CTU1: variants seen among roughly 807,000 people sequenced by gnomAD.
The protein encoded by CTU1 is cytoplasmic tRNA 2-thiolation protein 1.
CTU1 carries 15 observed loss-of-function variants against 12.9 expected under a neutral mutation model. The ratio of observed to expected loss-of-function variants is 1.16; its 90% confidence interval spans 0.78 to 1.79. CTU1 has a LOEUF of 1.79. Among genes scored for constraint, CTU1 ranks in the 40% most tolerant of loss-of-function variants. The pLI is 0.00. For missense variants in CTU1, 553 were observed against 550.5 expected, an observed-to-expected ratio of 1.00 and a Z score of -0.05; for synonymous variants, 295 against 275.6, an observed-to-expected ratio of 1.07 and a Z score of -0.70.
intron 2 of CTU1, among the ~76,000 whole-genome samples, chr19:51,101,728 G>A (rs76865746): frequency 0.067 from 10,201 of 152,170 alleles, 1,122 homozygotes; most frequent in African/African-American, 0.23. Flanking sequence ...ACGACATCTC[G>A]TTGAATGTTT....
Position 51,104,372 on chromosome 19 carries a change from C to G in CTU1, c.198G>C (p.Val66=), listed in dbSNP as rs1403878404. The change falls in exon 2 of 3, where the codon GTG becomes GTC. Residue 66 remains valine (V), a synonymous_variant. Transcript: ENST00000421832. ...CCAGCGCGCGCAGCACGTGCGCCAG[C>G]ACCGTGGAGTCCTTGCCGCCCGAGG... ...VGASGGKDST[V]LAHVLRALAP... is the part of the protein sequence containing the mutation. 1.5e-5 allele frequency: 20 copies of G among 1,378,980 alleles called. No homozygotes were observed. The highest frequency in any genetic ancestry group is 1.9e-5 in the Non-Finnish European group (20 of 1,071,446). 85.4% of individuals were successfully genotyped at this position (1,378,980 alleles called of 1,614,324 possible). A position where few individuals can be genotyped will look rare whatever the true frequency, so the allele number is the denominator to read the frequency against.
At chr19:51,107,200 T>C (rs2091922696) in intron 1 of CTU1, among the ~76,000 whole-genome samples, 1 of 152,152 alleles carries the variant, frequency 6.6e-6, no homozygotes, top group South Asian at 2.1e-4. Flanking sequence ...CAGGAGGAGA[T>C]GGGAGCCTTG....
intron 2 of CTU1, 91 bp downstream of exon 2, chr19:51,103,971 G>GCTTTCAGGT (rs1424388480): frequency 7.9e-7 from 1 of 1,261,210 alleles, no homozygotes; most frequent in Non-Finnish European, 1.0e-6. Context: ...TGGAGCATGC[G>GCTTTCAGGT]CCTGAATCCC....
rs763909509 is a variant in CTU1 at position 51,098,927 on chromosome 19, G to C, written c.721C>G (p.Pro241Ala). The C allele has an allele frequency of 2.6e-6, 4 of 1,532,458 alleles. No individual in the cohort carries two copies. The highest frequency in any genetic ancestry group is 3.5e-6 in the Non-Finnish European group (4 of 1,144,572). 94.9% of individuals were successfully genotyped at this position (1,532,458 alleles called of 1,614,324 possible). A position where few individuals can be genotyped will look rare whatever the true frequency, so the allele number is the denominator to read the frequency against. ...CGGGCGTGGCCGCGGAAGGCCTCGGGCGCGTAGACGCACTCCTCGGAGAAG... is the reference window on the plus strand; with the variant it reads ...CGGGCGTGGCCGCGGAAGGCCTCGGCCGCGTAGACGCACTCCTCGGAGAAG... ...DYFSEECVYA[P>A]EAFRGHARDL... Residue 241 changes from proline (P) to alanine (A), a missense_variant, in exon 3 of 3, where the codon CCC becomes GCC. Pro to Ala is a conservative substitution (Grantham distance 27). This residue lies in a region of CTU1 where 500 missense variants were observed against 458.5 expected (regional missense o/e 1.09). Coordinates refer to ENST00000421832, the MANE Select transcript of CTU1 (RefSeq NM_145232.4). The surrounding 1 kb of genome is among the most constrained non-coding windows in gnomAD (Gnocchi z 4.3).
chr19:51,104,007 T>C, intron 2 of CTU1, 55 bp downstream of exon 2: 2 of 1,389,460 alleles, frequency 1.4e-6, no homozygotes, highest in Non-Finnish European at 1.9e-6. Flanking sequence ...TCCTCGCCTG[T>C]GCATTCGCCC....
Position 51,104,247 on chromosome 19 carries a change from C to T in CTU1, c.323G>A (p.Arg108His), listed in dbSNP as rs2091914192. Reference protein sequence around the residue: ...ALAAVRRQAARWELPLTVVAY... With the variant: ...ALAAVRRQAAHWELPLTVVAY... ...CACGACCGTGAGCGGCAGCTCCCAG[C>T]GCGCCGCCTGGCGCCGCACGGCCGC... Residue 108 changes from arginine (R) to histidine (H), a missense_variant, in exon 2 of 3, where the codon CGC becomes CAC. By Grantham distance (29) the Arg-to-His change is conservative. This residue lies in a region of CTU1 where 500 missense variants were observed against 458.5 expected (regional missense o/e 1.09). Transcript: ENST00000421832. The T allele has an allele frequency of 1.3e-6, 2 of 1,509,748 alleles. No individual in the cohort carries two copies. Among genetic ancestry groups the T allele is most frequent in the South Asian group, 1.2e-5 (1 of 81,860 alleles). 93.5% of individuals were successfully genotyped at this position (1,509,748 alleles called of 1,614,324 possible).
chr19:51,103,921 G>T, intron 2 of CTU1, 141 bp downstream of exon 2: 3 of 877,354 alleles, frequency 3.4e-6, no homozygotes, highest in South Asian at 2.4e-5. Flanking sequence ...TCCGTACAGG[G>T]ATCCTCCCAT....
chr19:51,105,520 C>T (rs1232802990), intron 1 of CTU1, among the ~76,000 whole-genome samples: 2 of 152,204 alleles, frequency 1.3e-5, no homozygotes, highest in Admixed American at 6.5e-5. Flanking sequence ...GCCACCATCA[C>T]CTCCAGCCTG....
chr19:51,099,033 G>A lies in CTU1; in HGVS notation c.615C>T (p.Gly205=), dbSNP rs769822801. 49 of 1,508,370 alleles carry A rather than the reference G, an allele frequency of 3.2e-5. No individual in the cohort carries two copies. In the Admixed American group the frequency reaches 9.0e-4, roughly 28 times the overall value. 93.4% of individuals were successfully genotyped at this position (1,508,370 alleles called of 1,614,324 possible). ...GCAGCGGGCGGCAGCGCGGCAGGGCGCCCCCCTCGCCGGGAGAGCCCAGGC... is the reference window on the plus strand; with the variant it reads ...GCAGCGGGCGGCAGCGCGGCAGGGCACCCCCCTCGCCGGGAGAGCCCAGGC... ...GGGLGSPGEG[G]ALPRCRPLQF... The change falls in exon 3 of 3, where the codon GGC becomes GGT. Residue 205 remains glycine, a synonymous_variant. Transcript: ENST00000421832.
Position 51,103,405 on chromosome 19 carries a change from G to A in CTU1, c.508+657C>T, listed in dbSNP as rs898157676. ...TCGAGATCATCCTGGCTAACATGGTGAAACCCCGTCTCTACTAAAAATACA... is the reference window on the plus strand; with the variant it reads ...TCGAGATCATCCTGGCTAACATGGTAAAACCCCGTCTCTACTAAAAATACA... On this transcript the variant is annotated intron_variant, in intron 2 of 2. Coordinates refer to ENST00000421832, the MANE Select transcript of CTU1 (RefSeq NM_145232.4). Among the ~76,000 whole-genome samples the A allele has an allele frequency of 3.2e-4, 49 of 152,118 alleles. 1 individual carries two copies.
At chr19:51,103,306 G>A (rs1401039266) in intron 2 of CTU1, among the ~76,000 whole-genome samples, 2 of 152,098 alleles carry the variant, frequency 1.3e-5, no homozygotes, top group African/African-American at 2.4e-5. Context: ...AGGAATGGAT[G>A]AAAAAGACAG....
At position 51,099,006 on chromosome 19, in the gene CTU1, C is replaced by A. The variant is rs2045501410; in HGVS notation, c.642G>T (p.Gln214His). 1.3e-6 allele frequency: 2 copies of A among 1,528,766 alleles called. No homozygotes were observed. Among genetic ancestry groups the A allele is most frequent in the African/African-American group, 1.4e-5 (1 of 70,758 alleles). The allele number at this position is 1,528,766 out of a possible 1,614,324, so 94.7% of individuals were successfully genotyped here. A position where few individuals can be genotyped will look rare whatever the true frequency, so the allele number is the denominator to read the frequency against. ...GGALPRCRPL[Q>H]FASQKEVVLY... is the part of the protein sequence containing the mutation. ...GCACCACCTCCTTCTGCGAGGCGAACTGCAGCGGGCGGCAGCGCGGCAGGG... is the reference window on the plus strand; with the variant it reads ...GCACCACCTCCTTCTGCGAGGCGAAATGCAGCGGGCGGCAGCGCGGCAGGG... The change falls in exon 3 of 3, where the codon CAG becomes CAT. Residue 214 changes from glutamine to histidine, a missense_variant. Around this residue, in one of 2 missense-constraint regions of CTU1, gnomAD observed 500 missense variants for 458.5 expected, o/e 1.09. Transcript: ENST00000421832.
At chr19:51,103,804 C>T (rs2091912610) in intron 2 of CTU1, among the ~76,000 whole-genome samples, 1 of 152,168 alleles carries the variant, frequency 6.6e-6, no homozygotes, top group Non-Finnish European at 1.5e-5. Context: ...AGACGGTGGC[C>T]AAGACCCAAA....
At position 51,099,143 on chromosome 19, in the gene CTU1, G is replaced by T. The variant is rs559621004; in HGVS notation, c.509-4C>A. 2.5e-6 allele frequency: 4 copies of T among 1,569,602 alleles called. No individual in the cohort carries two copies. Among genetic ancestry groups the T allele is most frequent in the South Asian group, 2.3e-5 (2 of 87,374 alleles). Reference sequence around the variant, plus strand: ...GCCATGTCGTCGGCGTTGTGACCTGGTGGGGAGAGAAGGGAGCGGGTGAGG... The same window carrying T: ...GCCATGTCGTCGGCGTTGTGACCTGTTGGGGAGAGAAGGGAGCGGGTGAGG... On this transcript the variant is annotated splice_polypyrimidine_tract_variant and splice_region_variant and intron_variant, in intron 2 of 2. Coordinates refer to ENST00000421832, the MANE Select transcript of CTU1 (RefSeq NM_145232.4).
intron 2 of CTU1, among the ~76,000 whole-genome samples, chr19:51,100,934 C>CGTGTGTGT (rs71185800): frequency 3.8e-4 from 55 of 145,536 alleles, no homozygotes; most frequent in African/African-American, 7.9e-4. Context: ...TTTTATTGTG[C>CGTGTGTGT]GTGTGTGTGT....
In CTU1 at chr19:51,104,097, C is replaced by A; in HGVS notation, c.473G>T (p.Gly158Val). 1 of 1,475,208 alleles carries A rather than the reference C, an allele frequency of 6.8e-7. No individual in the cohort carries two copies. The highest frequency in any genetic ancestry group is 8.9e-7 in the Non-Finnish European group (1 of 1,129,224). 91.4% of individuals were successfully genotyped at this position (1,475,208 alleles called of 1,614,324 possible). A position where few individuals can be genotyped will look rare whatever the true frequency, so the allele number is the denominator to read the frequency against. The change falls in exon 2 of 3, where the codon GGG becomes GTG. Residue 158 changes from glycine to valine, a missense_variant. Gly to Val is a moderately radical substitution (Grantham distance 109). Coordinates refer to ENST00000421832, the MANE Select transcript of CTU1 (RefSeq NM_145232.4). Reference protein sequence around the residue: ...GVLRRRALEEGARRVGATHIV... With the variant: ...GVLRRRALEEVARRVGATHIV... ...GTGCGTGGCTCCCACGCGGCGCGCC[C>A]CTTCCTCCAGCGCCCGGCGCCGCAG...
At chr19:51,102,044 C>G (rs1298363710) in intron 2 of CTU1, among the ~76,000 whole-genome samples, 1 of 152,168 alleles carries the variant, frequency 6.6e-6, no homozygotes, top group African/African-American at 2.4e-5. Context: ...TGCTCTGTCA[C>G]CCAGGCTGGA....
intron 1 of CTU1, among the ~76,000 whole-genome samples, chr19:51,105,079 G>C (rs1243324183): frequency 6.6e-6 from 1 of 152,196 alleles, no homozygotes; most frequent in Non-Finnish European, 1.5e-5. Flanking sequence ...GGAGGCCAGG[G>C]GACTGAAGCT....
chr19:51,100,111 G>C (rs2122790168), intron 2 of CTU1, among the ~76,000 whole-genome samples: 1 of 152,260 alleles, frequency 6.6e-6, no homozygotes, highest in Admixed American at 6.5e-5. Context: ...TGGGGCCATG[G>C]AGCCCCCTGG....
Sources: gnomAD v4.1 joint callset for allele counts (sites outside exome capture counted in the v4.1 genomes callset) on GRCh38, gnomAD v4.1.1 for gene constraint, gnomAD v4.1.1 regional missense constraint, Gnocchi (gnomAD v3.1) non-coding constraint, MANE v1.5 for transcripts, NCBI Gene and HGNC (gene_info 2026-07-23, HGNC 2026-07-21) for gene names.